DBP: variants seen among roughly 807,000 people sequenced by gnomAD.
DBP encodes the protein D-box binding PAR bZIP transcription factor.
Under a neutral mutation model 21.4 loss-of-function variants are expected in DBP, and 12 were observed. The ratio of observed to expected loss-of-function variants is 0.56; its 90% CI spans 0.36 to 0.91. DBP has a LOEUF of 0.91. Ranked by LOEUF, DBP falls within the 40% of genes least tolerant of loss-of-function variation. The pLI is 0.01. For missense variants in DBP, 423 were observed against 473.4 expected, an observed-to-expected ratio of 0.89 and a Z score of 0.99; for synonymous variants, 213 against 224.9, an observed-to-expected ratio of 0.95 and a Z score of 0.47.
chr19:48,630,993 G>A lies in DBP; in HGVS notation c.822C>T (p.Asp274=), dbSNP rs1456067014. 6 of 1,613,700 alleles carry A rather than the reference G, an allele frequency of 3.7e-6. No homozygotes were observed. Among genetic ancestry groups the A allele is most frequent in the Non-Finnish European group, 5.1e-6 (6 of 1,179,984 alleles). The change falls in exon 4 of 4, where the codon GAC becomes GAT. Residue 274 remains aspartate (D), a synonymous_variant. Transcript: ENST00000222122. The surrounding 1 kb of genome is among the most constrained non-coding windows in gnomAD (Gnocchi z 4.9). The stretch of plus-strand genomic sequence containing the variant: ...TCTGGTTCTCCTTGAGCCGCCGGGC[G>A]TCACGGGACCGCTTGGCTGCCTCGT... The part of the protein sequence containing the change: ...KNNEAAKRSR[D]ARRLKENQIS...
Position 48,635,762 on chromosome 19 carries a change from A to T in DBP, c.368T>A (p.Leu123Gln). 7.2e-7 allele frequency: 1 copy of T among 1,395,492 alleles called. No individual in the cohort carries two copies. Among genetic ancestry groups the T allele is most frequent in the Non-Finnish European group, 9.3e-7 (1 of 1,080,818 alleles). The allele number at this position is 1,395,492 out of a possible 1,614,324, so 86.4% of individuals were successfully genotyped here. A position where few individuals can be genotyped will look rare whatever the true frequency, so the allele number is the denominator to read the frequency against. ...GCTGGGCGGGAGCCCGTGCTCCAGC[A>T]GGAAGGCGTCCAGGTCTACGTACTC... ...DVEYVDLDAF[L>Q]LEHGLPPSPP... is the part of the protein sequence containing the mutation. The change falls in exon 2 of 4, where the codon CTG (leucine) becomes CAG (glutamine). Residue 123 changes from leucine to glutamine, a missense_variant. This residue lies in a region of DBP where 283 missense variants were observed against 273.7 expected (regional missense o/e 1.03). Coordinates refer to ENST00000222122, the MANE Select transcript of DBP (RefSeq NM_001352.5).
In DBP at chr19:48,635,560, C is replaced by G; in HGVS notation, c.550+20G>C. On this transcript the variant is annotated intron_variant, in intron 2 of 3. Transcript: ENST00000222122. ...CCAAGCCCCGCCCCGTCAGGACCCG[C>G]CCCGCCCCCTTCGCCGCACCTGCGC... 1 of 1,405,746 alleles carries G rather than the reference C, an allele frequency of 7.1e-7. No homozygotes were observed. The highest frequency in any genetic ancestry group is 9.2e-7 in the Non-Finnish European group (1 of 1,086,668). The allele number at this position is 1,405,746 out of a possible 1,614,324, so 87.1% of individuals were successfully genotyped here. A position where few individuals can be genotyped will look rare whatever the true frequency, so the allele number is the denominator to read the frequency against.
chr19:48,635,455 A>G lies in DBP; in HGVS notation c.550+125T>C, dbSNP rs533235144. 345 of 1,477,244 alleles carry G rather than the reference A, an allele frequency of 2.3e-4. 3 individuals are homozygous for G. The South Asian group carries it at 3.6e-3, about 15-fold the overall frequency. 91.5% of individuals were successfully genotyped at this position (1,477,244 alleles called of 1,614,324 possible). A position where few individuals can be genotyped will look rare whatever the true frequency, so the allele number is the denominator to read the frequency against. Reference sequence around the variant, plus strand: ...TGGCCCCCTCCCACGACACCTCTCGACAACTGGACACAGAATTCGAGGCCG... The same window carrying G: ...TGGCCCCCTCCCACGACACCTCTCGGCAACTGGACACAGAATTCGAGGCCG... On this transcript the variant is annotated intron_variant, in intron 2 of 3. Transcript: ENST00000222122.
chr19:48,635,721 C>G lies in DBP; in HGVS notation c.409G>C (p.Gly137Arg), dbSNP rs2030763641. 2 of 1,344,518 alleles carry G rather than the reference C, an allele frequency of 1.5e-6. No homozygotes were observed. Among genetic ancestry groups the G allele is most frequent in the African/African-American group, 3.1e-5 (2 of 65,010 alleles). The allele number at this position is 1,344,518 out of a possible 1,614,324, so 83.3% of individuals were successfully genotyped here. Residue 137 changes from glycine to arginine, a missense_variant, in exon 2 of 4, where the codon GGC becomes CGC. Coordinates refer to ENST00000222122, the MANE Select transcript of DBP (RefSeq NM_001352.5). ...GCGGGCGACGGCTCCGGCGACGGGC[C>G]ACCGGGGGGCGGCGGGCTGGGCGGG... ...GLPPSPPPPG[G>R]PSPEPSPART...
At chr19:48,631,074 G>A (rs1243677443) in intron 3 of DBP, 22 bp from the exon 4 acceptor site, 1 of 1,604,300 alleles carries the variant, frequency 6.2e-7, no homozygotes. Context: ...GAGGGGGAGA[G>A]CACTGAGGTC....
intron 2 of DBP, chr19:48,634,926 C>A (rs2030728790): frequency 1.0e-6 from 1 of 985,660 alleles, no homozygotes; most frequent in Non-Finnish European, 1.2e-6. Flanking sequence ...CCTGGACCTT[C>A]CCAGAACCCC....
intron 3 of DBP, 67 bp from the exon 4 acceptor site, chr19:48,631,119 A>G: frequency 6.9e-7 from 1 of 1,444,056 alleles, no homozygotes; most frequent in Non-Finnish European, 9.5e-7. Context: ...AGAGGAAGGG[A>G]GCCCCAGCAG....
rs80273410 is a variant in DBP, at chr19:48,630,779, G to A, written c.*58C>T. ...TGGGCCACAGGGCAGGAAGGGAACA[G>A]GGCGTAAGTCTCAGCAAGGCGGAGG... On this transcript the variant is annotated 3_prime_UTR_variant, in exon 4 of 4. Coordinates refer to ENST00000222122, the MANE Select transcript of DBP (RefSeq NM_001352.5). This position sits in a 1 kb window ranked among gnomAD's most constrained non-coding sequence, Gnocchi z 4.9. 7.2e-6 allele frequency: 11 copies of A among 1,519,512 alleles called. No individual in the cohort carries two copies. In the East Asian group the frequency reaches 2.4e-4, roughly 34 times the overall value. 94.1% of individuals were successfully genotyped at this position (1,519,512 alleles called of 1,614,324 possible). A position where few individuals can be genotyped will look rare whatever the true frequency, so the allele number is the denominator to read the frequency against.
intron 3 of DBP, chr19:48,632,595 A>G (rs1214840496): frequency 6.6e-6 from 1 of 152,242 alleles, no homozygotes; most frequent in Non-Finnish European, 1.5e-5. Flanking sequence ...ACAGAAGCCC[A>G]AGCAACTCTT....
chr19:48,631,942 T>C (rs1419562116), intron 3 of DBP: 2 of 152,130 alleles, frequency 1.3e-5, no homozygotes, highest in Non-Finnish European at 2.9e-5. Context: ...CAAGTAGCTA[T>C]GTGTTACGCA....
At position 48,631,008 on chromosome 19, in the gene DBP, G is replaced by A. The variant is rs1443859629; in HGVS notation, c.807C>T (p.Ala269=). Residue 269 remains alanine (A), a synonymous_variant, in exon 4 of 4, where the codon GCC becomes GCT. Coordinates refer to ENST00000222122, the MANE Select transcript of DBP (RefSeq NM_001352.5). ...WSRRYKNNEA[A]KRSRDARRLK... ...GCCGCCGGGCGTCACGGGACCGCTT[G>A]GCTGCCTCGTTGTTCTTGTACCGCC... The A allele has an allele frequency of 6.2e-7, 1 of 1,613,842 alleles. No individual in the cohort carries two copies. The highest frequency in any genetic ancestry group is 8.5e-7 in the Non-Finnish European group (1 of 1,179,974).
chr19:48,634,416 C>G (rs1374218789), intron 2 of DBP: 1 of 152,414 alleles, frequency 6.6e-6, no homozygotes, highest in Non-Finnish European at 1.5e-5. Flanking sequence ...CTGAAAAGCT[C>G]TCAAGTTAGA....
chr19:48,633,979 A>G, intron 2 of DBP: 1 of 350,328 alleles, frequency 2.9e-6, no homozygotes, highest in Non-Finnish European at 5.4e-6. Flanking sequence ...GGGTGCCGGT[A>G]AGCCCAGCTA....
intron 3 of DBP, chr19:48,632,879 AG>A (rs1311499743): frequency 1.2e-5 from 2 of 171,208 alleles, no homozygotes; most frequent in African/African-American, 4.8e-5. Flanking sequence ...CCATTGCCAA[AG>A]GAAGACTGTC....
Position 48,635,960 on chromosome 19 carries a change from G to A in DBP, c.170C>T (p.Ala57Val), listed in dbSNP as rs1199714776. Residue 57 changes from alanine to valine, a missense_variant, in exon 2 of 4, where the codon GCC (alanine) becomes GTC (valine). By Grantham distance (64) the Ala-to-Val change is moderately conservative. Around this residue, in one of 4 missense-constraint regions of DBP, gnomAD observed 283 missense variants for 273.7 expected, o/e 1.03. Transcript: ENST00000222122. Reference protein sequence around the residue: ...CLLKEKERKAALPAATTPGPG... With the variant: ...CLLKEKERKAVLPAATTPGPG... Reference sequence around the variant, plus strand: ...CCCAGGGGTTGTGGCTGCAGGCAGGGCCGCCTTGCGCTCCTTTTCCTTCAG... The same window carrying A: ...CCCAGGGGTTGTGGCTGCAGGCAGGACCGCCTTGCGCTCCTTTTCCTTCAG... 2 of 1,524,020 alleles carry A rather than the reference G, an allele frequency of 1.3e-6. No individual in the cohort carries two copies. The highest frequency in any genetic ancestry group is 1.2e-5 in the South Asian group (1 of 83,782). 94.4% of individuals were successfully genotyped at this position (1,524,020 alleles called of 1,614,324 possible).
At chr19:48,636,695 G>T (rs1252062618) in intron 1 of DBP, among the ~76,000 whole-genome samples, 161 bp downstream of exon 1, 2 of 152,126 alleles carry the variant, frequency 1.3e-5, no homozygotes, top group Non-Finnish European at 2.9e-5. Flanking sequence ...GGTCCTGGGC[G>T]CTAAGGGATC....
chr19:48,637,078 G>T lies in DBP; in HGVS notation c.-84C>A. The T allele has an allele frequency of 7.8e-7, 1 of 1,289,672 alleles. No homozygotes were observed. The highest frequency in any genetic ancestry group is 1.0e-6 in the Non-Finnish European group (1 of 975,022). 79.9% of individuals were successfully genotyped at this position (1,289,672 alleles called of 1,614,324 possible). A position where few individuals can be genotyped will look rare whatever the true frequency, so the allele number is the denominator to read the frequency against. ...AGTCACCAGCACACTCCAGTGGTTT[G>T]GACGAGTGTCTGCCCAGGGGCGGGC... On this transcript the variant is annotated 5_prime_UTR_variant, in exon 1 of 4. Transcript: ENST00000222122.
At position 48,637,054 on chromosome 19, in the gene DBP, G is replaced by C; in HGVS notation, c.-60C>G. 2.8e-6 allele frequency: 4 copies of C among 1,413,294 alleles called. No homozygotes were observed. The highest frequency in any genetic ancestry group is 3.7e-6 in the Non-Finnish European group (4 of 1,077,452). 87.5% of individuals were successfully genotyped at this position (1,413,294 alleles called of 1,614,324 possible). On this transcript the variant is annotated 5_prime_UTR_variant, in exon 1 of 4. Transcript: ENST00000222122. ...GGAGAGGCGAAGGGCTGGCCTGCCA[G>C]TCACCAGCACACTCCAGTGGTTTGG...
chr19:48,635,150 T>A (rs2030735800), intron 2 of DBP: 12 of 1,008,508 alleles, frequency 1.2e-5, no homozygotes, highest in Non-Finnish European at 1.4e-5. Context: ...ATTCTGTGCC[T>A]CTCCTTTGCC....
Sources: gnomAD v4.1 joint callset for allele counts (sites outside exome capture counted in the v4.1 genomes callset) on GRCh38, gnomAD v4.1.1 for gene constraint, gnomAD v4.1.1 regional missense constraint, Gnocchi (gnomAD v3.1) non-coding constraint, MANE v1.5 for transcripts, NCBI Gene and HGNC (gene_info 2026-07-23, HGNC 2026-07-21) for gene names.